Variants in COPG2 observed in about 807,000 individuals in gnomAD.
The protein encoded by COPG2 is coatomer subunit gamma-2.
Under a neutral mutation model 46.3 loss-of-function variants are expected in COPG2, and 37 were observed. The observed-to-expected ratio is 0.80, with a 90% confidence interval of 0.61 to 1.05. COPG2 has a LOEUF of 1.05. Among genes scored for constraint, COPG2 ranks in the 50% least tolerant of loss-of-function variants. The probability of loss-of-function intolerance (pLI) is 0.00; values close to 1 mark genes in which losing one functional copy is unlikely to be tolerated. For synonymous variants in COPG2, 159 were observed against 129.7 expected (o/e 1.23, Z -1.53); for missense variants, 427 against 387.8 (o/e 1.10, Z -0.85).
At chr7:130,606,755 A>G (rs185856135) in intron 9 of COPG2, among the ~76,000 whole-genome samples, 5 of 152,304 alleles carry the variant, frequency 3.3e-5, no homozygotes, top group Admixed American at 3.3e-4. Flanking sequence ...AGCCTATCCT[A>G]TGAATTTTAG....
chr7:130,520,660 G>A (rs1330821353), intron 20 of COPG2, among the ~76,000 whole-genome samples: 2 of 152,198 alleles, frequency 1.3e-5, no homozygotes, highest in Non-Finnish European at 2.9e-5. Context: ...TCCCTATGCT[G>A]AAGGATGTTA....
intron 20 of COPG2, among the ~76,000 whole-genome samples, chr7:130,523,303 A>C (rs1487775648): frequency 2.0e-5 from 3 of 151,874 alleles, no homozygotes; most frequent in Non-Finnish European, 4.4e-5. Flanking sequence ...AATCATCTGA[A>C]GGGTGAGCAG....
intron 9 of COPG2, among the ~76,000 whole-genome samples, chr7:130,597,984 A>G (rs1554449890): frequency 6.6e-6 from 1 of 152,198 alleles, no homozygotes; most frequent in Non-Finnish European, 1.5e-5. Context: ...TCAGCATGGC[A>G]AACAATGGGA....
intron 5 of COPG2, among the ~76,000 whole-genome samples, chr7:130,650,076 G>C (rs952570120): frequency 6.6e-6 from 1 of 152,118 alleles, no homozygotes; most frequent in African/African-American, 2.4e-5. Flanking sequence ...CACATTCCTT[G>C]ACTCATGGCC....
At chr7:130,533,551 C>CG (rs1799849727) in intron 20 of COPG2, among the ~76,000 whole-genome samples, 1 of 151,714 alleles carries the variant, frequency 6.6e-6, no homozygotes, top group Non-Finnish European at 1.5e-5. Context: ...GAAGGAAGGT[C>CG]GGGGGGATGC....
At chr7:130,557,809 C>T (rs1793651945) in intron 12 of COPG2, among the ~76,000 whole-genome samples, 1 of 17,932 alleles carries the variant, frequency 5.6e-5, no homozygotes, top group African/African-American at 2.7e-4. Context: ...AAGAATGAAA[C>T]TCCATCTCAA....
intron 20 of COPG2, among the ~76,000 whole-genome samples, chr7:130,513,555 A>G (rs1251196095): frequency 1.3e-5 from 2 of 151,652 alleles, no homozygotes; most frequent in African/African-American, 4.8e-5. Flanking sequence ...AAGAGTAAGT[A>G]GATAAATAAG....
At position 130,517,753 on chromosome 7, in the gene COPG2, A is replaced by G. The variant is rs1302767897; in HGVS notation, c.2150-9094T>C. 9.2e-5 allele frequency among the ~76,000 whole-genome samples: 14 copies of G among 152,388 alleles called. No homozygotes were observed. The East Asian group carries it at 2.7e-3, about 29-fold the overall frequency. On this transcript the variant is annotated intron_variant, in intron 20 of 23. Transcript: ENST00000425248. ...ATGGATAGGTAAGATATGATAGAGC[A>G]TAACAGGATAAGAAGAAAGGATTTT...
intron 9 of COPG2, chr7:130,610,690 A>G (rs1365515341): frequency 3.3e-6 from 2 of 598,388 alleles, no homozygotes; most frequent in Non-Finnish European, 6.1e-6. Flanking sequence ...AATTATCTAT[A>G]TATCTTATGA....
At chr7:130,528,060 C>G (rs1799790440) in intron 20 of COPG2, among the ~76,000 whole-genome samples, 1 of 151,702 alleles carries the variant, frequency 6.6e-6, no homozygotes, top group Non-Finnish European at 1.5e-5. Flanking sequence ...TTGAAGACAT[C>G]GGTGCTAAGG....
chr7:130,643,555 G>A (rs532636531), intron 5 of COPG2, among the ~76,000 whole-genome samples: 6 of 152,074 alleles, frequency 3.9e-5, no homozygotes, highest in African/African-American at 7.2e-5. Flanking sequence ...TTCAACGTTC[G>A]GGGTTCTCTT....
At chr7:130,608,972 G>A (rs1038402921) in intron 9 of COPG2, among the ~76,000 whole-genome samples, 1 of 151,974 alleles carries the variant, frequency 6.6e-6, no homozygotes. Flanking sequence ...AGCCTCCCAT[G>A]CTCAACCGAT....
Position 130,613,652 on chromosome 7 carries a change from A to G in COPG2, c.400-16T>C. Reference sequence around the variant, plus strand: ...ACATTGTTCCCTAATAACATTCAAAAAGAAAAAATTGTTAAGGAAAAACAT... The same window carrying G: ...ACATTGTTCCCTAATAACATTCAAAGAGAAAAAATTGTTAAGGAAAAACAT... On this transcript the variant is annotated splice_polypyrimidine_tract_variant and intron_variant, in intron 6 of 23. Coordinates refer to ENST00000425248, the MANE Select transcript of COPG2 (RefSeq NM_012133.6). 8 of 1,552,526 alleles carry G rather than the reference A, an allele frequency of 5.2e-6. No individual in the cohort carries two copies. Among genetic ancestry groups the G allele is most frequent in the East Asian group, 2.3e-5 (1 of 43,916 alleles).
intron 20 of COPG2, among the ~76,000 whole-genome samples, chr7:130,519,552 T>C (rs1332496582): frequency 2.0e-5 from 3 of 151,978 alleles, no homozygotes; most frequent in Non-Finnish European, 4.4e-5. Context: ...GAAAGAATGC[T>C]GGAGAAAATG....
At chr7:130,576,481 T>G (rs528243256) in intron 9 of COPG2, among the ~76,000 whole-genome samples, 1 of 152,250 alleles carries the variant, frequency 6.6e-6, no homozygotes, top group South Asian at 2.1e-4. Flanking sequence ...TGGGTCAACA[T>G]GAAATCAAGA....
intron 20 of COPG2, chr7:130,509,073 T>C (rs1367943175): frequency 2.2e-6 from 1 of 457,652 alleles, no homozygotes; most frequent in Non-Finnish European, 4.3e-6. Context: ...AGCATACAGA[T>C]CATCAGATTA....
At chr7:130,555,173 C>A (rs1793602070) in intron 12 of COPG2, 41 bp from the exon 13 acceptor site, 1 of 397,268 alleles carries the variant, frequency 2.5e-6, no homozygotes, top group African/African-American at 2.1e-5. Flanking sequence ...TATGACTGTA[C>A]AACTACCACC....
intron 20 of COPG2, among the ~76,000 whole-genome samples, chr7:130,536,257 G>A (rs990793882): frequency 5.9e-5 from 9 of 152,162 alleles, no homozygotes; most frequent in Non-Finnish European, 1.2e-4. Context: ...GGAAATGCTG[G>A]TCTTATGAGT....
chr7:130,587,947 GAA>G (rs1233307929), intron 9 of COPG2, among the ~76,000 whole-genome samples: 1 of 148,550 alleles, frequency 6.7e-6, no homozygotes, highest in African/African-American at 2.5e-5. Flanking sequence ...AAATTTACAA[GAA>G]AAAAAAACAA....
Sources: allele counts gnomAD v4.1 joint callset (sites outside exome capture counted in the v4.1 genomes callset), GRCh38; gene constraint gnomAD v4.1.1; transcripts MANE v1.5; gene names NCBI Gene and HGNC (gene_info 2026-07-23, HGNC 2026-07-21).